Variants in SUN5 observed in about 807,000 individuals in gnomAD.
SUN5 encodes the protein SUN domain-containing protein 5.
A neutral mutation model predicts 53.7 loss-of-function variants in SUN5; 44 were observed. The ratio of observed to expected loss-of-function variants is 0.82; its 90% CI spans 0.64 to 1.05. SUN5 has a LOEUF of 1.05. SUN5 is among the 50% of genes least tolerant of loss of function. The pLI, the probability that SUN5 is intolerant of heterozygous loss-of-function variation, is 0.00. For synonymous variants in SUN5, 166 were observed against 179.8 expected (o/e 0.92, Z 0.62); for missense variants, 433 against 483.8 (o/e 0.90, Z 0.98).
At chr20:32,993,314 GC>G (rs1989754577) in intron 8 of SUN5, among the ~76,000 whole-genome samples, 2 of 152,216 alleles carry the variant, frequency 1.3e-5, no homozygotes, top group Admixed American at 6.5e-5. Context: ...ATTCTGCAGA[GC>G]AGAAAACCAT....
chr20:33,001,526 C>CT (rs767911545), intron 3 of SUN5, among the ~76,000 whole-genome samples: 1 of 129,352 alleles, frequency 7.7e-6, no homozygotes, highest in East Asian at 2.1e-4. Context: ...TTTCTTCTTT[C>CT]TTTCTTTCTT....
At position 32,983,791 on chromosome 20, in the gene SUN5, A is replaced by G; in HGVS notation, c.*3T>C. On this transcript the variant is annotated 3_prime_UTR_variant, in exon 13 of 13. Coordinates refer to ENST00000356173, the MANE Select transcript of SUN5 (RefSeq NM_080675.4). ...GACTTGGTCTGGGGGTAAAGAATAA[A>G]TTTTAATCTCTCTTAGGGTAGGGGT... 6.8e-7 allele frequency: 1 copy of G among 1,472,018 alleles called. No homozygotes were observed. Among genetic ancestry groups the G allele is most frequent in the Non-Finnish European group, 9.0e-7 (1 of 1,105,820 alleles). 91.2% of individuals were successfully genotyped at this position (1,472,018 alleles called of 1,614,324 possible).
chr20:32,988,790 T>C (rs938495073), intron 9 of SUN5, among the ~76,000 whole-genome samples: 57 of 151,986 alleles, frequency 3.8e-4, no homozygotes, highest in Admixed American at 3.2e-3. Context: ...GGTTTTACCA[T>C]GTTGGCCAGG....
In SUN5 at chr20:33,000,758, T is replaced by C. The variant is rs1238508392; in HGVS notation, c.278+454A>G. Among the ~76,000 whole-genome samples, 3 of 151,754 alleles carry C rather than the reference T, an allele frequency of 2.0e-5. No homozygotes were observed. In the East Asian group the frequency reaches 5.8e-4, roughly 29 times the overall value. On this transcript the variant is annotated intron_variant, in intron 4 of 12. Coordinates refer to ENST00000356173, the MANE Select transcript of SUN5 (RefSeq NM_080675.4). ...TACTTGGGAGGCTGAGGTGGGACGA[T>C]TGCTTGAATTCGAAAAGTAGAGGCT...
In SUN5 at chr20:33,002,637, C is replaced by A. The variant is rs556386557; in HGVS notation, c.161G>T (p.Arg54Leu). The A allele has an allele frequency of 6.2e-7, 1 of 1,614,206 alleles. No individual in the cohort carries two copies. The highest frequency in any genetic ancestry group is 1.1e-5 in the South Asian group (1 of 91,082). The part of the protein sequence containing the change: ...NMNDNILLPV[R>L]NNDQALGLTQ... Reference sequence around the variant, plus strand: ...CAGGCCTAGGGCTTGGTCATTGTTGCGGACAGGCAACAGGATGTTGTCATC... The same window carrying A: ...CAGGCCTAGGGCTTGGTCATTGTTGAGGACAGGCAACAGGATGTTGTCATC... Residue 54 changes from arginine to leucine, a missense_variant, in exon 3 of 13, where the codon CGC (arginine) becomes CTC (leucine). Physicochemically the swap from Arg to Leu is moderately radical, Grantham distance 102. Coordinates refer to ENST00000356173, the MANE Select transcript of SUN5 (RefSeq NM_080675.4).
Position 32,983,775 on chromosome 20 carries a change from TG to T in SUN5, c.*18del. ...GGCCAAAAGACACTCAGACTTGGTC[TG>T]GGGGTAAAGAATAAATTTTAATCTC... is the stretch of plus-strand genomic sequence containing the variant. On this transcript the variant is annotated 3_prime_UTR_variant, in exon 13 of 13. Coordinates refer to ENST00000356173, the MANE Select transcript of SUN5 (RefSeq NM_080675.4). 1 of 1,448,044 alleles carries T rather than the reference TG, an allele frequency of 6.9e-7. No individual in the cohort carries two copies. Among genetic ancestry groups the T allele is most frequent in the Non-Finnish European group, 9.1e-7 (1 of 1,092,970 alleles). The allele number at this position is 1,448,044 out of a possible 1,614,324, so 89.7% of individuals were successfully genotyped here. A position where few individuals can be genotyped will look rare whatever the true frequency, so the allele number is the denominator to read the frequency against.
chr20:32,985,874 G>A lies in SUN5; in HGVS notation c.759C>T (p.Ala253=), dbSNP rs1201822328. The A allele has an allele frequency of 1.2e-6, 2 of 1,614,022 alleles. No individual in the cohort carries two copies. Among genetic ancestry groups the A allele is most frequent in the Admixed American group, 1.7e-5 (1 of 60,014 alleles). The change falls in exon 11 of 13, where the codon GCC becomes GCT. Residue 253 remains alanine (A), a synonymous_variant. Coordinates refer to ENST00000356173, the MANE Select transcript of SUN5 (RefSeq NM_080675.4). ...TCACCTGGCCGCGGTCACCCTCAAA[G>A]GCCCAGCAATTGCCAGGTGTCACGT... ...EPNVTPGNCW[A]FEGDRGQVTI...
At chr20:32,985,010 A>G (rs1989495750) in intron 12 of SUN5, 89 bp downstream of exon 12, 1 of 1,354,628 alleles carries the variant, frequency 7.4e-7, no homozygotes, top group Non-Finnish European at 1.0e-6. Flanking sequence ...CCTCCTGGGG[A>G]TACTGGGGGA....
At chr20:32,986,404 A>G (rs1204205431) in intron 10 of SUN5, among the ~76,000 whole-genome samples, 2 of 152,156 alleles carry the variant, frequency 1.3e-5, no homozygotes, top group Non-Finnish European at 2.9e-5. Flanking sequence ...TGCCCCACAG[A>G]CGGGGAAACA....
At chr20:32,999,877 T>C (rs1389899247) in intron 5 of SUN5, 197 bp downstream of exon 5, 1 of 1,531,638 alleles carries the variant, frequency 6.5e-7, no homozygotes, top group Non-Finnish European at 8.8e-7. Context: ...GAGAGCTTTA[T>C]AACTTCTGAA....
intron 1 of SUN5, 64 bp downstream of exon 1, chr20:33,004,200 G>A: frequency 6.8e-7 from 1 of 1,473,818 alleles, no homozygotes; most frequent in Non-Finnish European, 9.1e-7. Flanking sequence ...CCAAGGACAG[G>A]GTGGAGGGGC....
intron 6 of SUN5, among the ~76,000 whole-genome samples, 174 bp downstream of exon 6, chr20:32,997,464 C>A (rs1435719326): frequency 2.0e-5 from 3 of 151,754 alleles, no homozygotes; most frequent in Admixed American, 6.6e-5. Flanking sequence ...TCACCTCTGG[C>A]AGAGAGATGG....
intron 12 of SUN5, among the ~76,000 whole-genome samples, chr20:32,984,290 G>A (rs141518856): frequency 4.1e-4 from 62 of 152,170 alleles, no homozygotes; most frequent in African/African-American, 1.4e-3. Context: ...CCAGGATTGC[G>A]GTGGGCATGA....
At chr20:33,002,766 C>A (rs560970133) in intron 2 of SUN5, 95 bp downstream of exon 2, 2 of 1,597,376 alleles carry the variant, frequency 1.3e-6, no homozygotes, top group Non-Finnish European at 1.7e-6. Context: ...CTGCCCCTGC[C>A]CCTTGCTGGG....
chr20:33,004,280 T>G lies in SUN5; in HGVS notation c.61A>C (p.Asn21His). The G allele has an allele frequency of 1.9e-6, 3 of 1,577,928 alleles. No homozygotes were observed. Among genetic ancestry groups the G allele is most frequent in the Non-Finnish European group, 2.6e-6 (3 of 1,160,986 alleles). ...PGALLEDVAH[N>H]PRPRRIAQRG... Reference sequence around the variant, plus strand: ...CATCCTCACCTCCGGGGTCTGGGATTGTGGGCCACATCTTCGAGTAGGGCG... The same window carrying G: ...CATCCTCACCTCCGGGGTCTGGGATGGTGGGCCACATCTTCGAGTAGGGCG... The change falls in exon 1 of 13, where the codon AAT (asparagine) becomes CAT (histidine). Residue 21 changes from asparagine to histidine, a missense_variant. Coordinates refer to ENST00000356173, the MANE Select transcript of SUN5 (RefSeq NM_080675.4).
rs557186131 is a variant in SUN5 at position 32,987,567 on chromosome 20, C to T, written c.729+93G>A. On this transcript the variant is annotated intron_variant, in intron 10 of 12. Coordinates refer to ENST00000356173, the MANE Select transcript of SUN5 (RefSeq NM_080675.4). ...CCCGCCCCTGCCCCCACTCCCTTTGCTCCCACCCCCTACCTCTTCTGCCAG... is the reference window on the plus strand; with the variant it reads ...CCCGCCCCTGCCCCCACTCCCTTTGTTCCCACCCCCTACCTCTTCTGCCAG... The T allele has an allele frequency of 6.8e-5, 42 of 616,826 alleles. 1 individual carries two copies. The highest frequency in any genetic ancestry group is 6.2e-4 in the African/African-American group (32 of 51,566). The allele number at this position is 616,826 out of a possible 1,614,324, so 38.2% of individuals were successfully genotyped here.
chr20:32,983,994 A>G, intron 12 of SUN5, 45 bp from the exon 13 acceptor site: 1 of 1,467,054 alleles, frequency 6.8e-7, no homozygotes, highest in African/African-American at 1.4e-5. Flanking sequence ...ATAGACTCCC[A>G]CCCTGCCTTT....
rs757056156 is a variant in SUN5, at chr20:32,995,740, G to C, written c.426-13C>G. 1 of 1,608,452 alleles carries C rather than the reference G, an allele frequency of 6.2e-7. No homozygotes were observed. The highest frequency in any genetic ancestry group is 8.5e-7 in the Non-Finnish European group (1 of 1,174,918). On this transcript the variant is annotated splice_polypyrimidine_tract_variant and intron_variant, in intron 7 of 12. Transcript: ENST00000356173. ...CTCCTGGTACAACCTTATCAGGAAG[G>C]AGTGATAACAAGAACAGGTTGATTT... is the stretch of plus-strand genomic sequence containing the variant.
intron 1 of SUN5, among the ~76,000 whole-genome samples, chr20:33,003,885 T>C (rs1399458257): frequency 1.3e-5 from 2 of 152,200 alleles, no homozygotes; most frequent in Non-Finnish European, 2.9e-5. Context: ...TTGGAATTTC[T>C]GTCACCTGCA....
Sources: gnomAD v4.1 joint callset for allele counts (sites outside exome capture counted in the v4.1 genomes callset) on GRCh38, gnomAD v4.1.1 for gene constraint, MANE v1.5 for transcripts, NCBI Gene and HGNC (gene_info 2026-07-23, HGNC 2026-07-21) for gene names.